Variants in WDR93 observed in about 807,000 individuals in gnomAD.
WDR93 encodes the protein WD repeat-containing protein 93.
A neutral mutation model predicts 82.9 loss-of-function variants in WDR93; 73 were observed. That is an observed-to-expected ratio of 0.88 (90% confidence interval 0.73 to 1.07). The LOEUF (loss-of-function observed/expected upper bound fraction) is 1.07. Ranked by LOEUF, WDR93 falls within the 50% of genes least tolerant of loss-of-function variation. The pLI is 0.00. For missense variants in WDR93, 738 were observed against 826.0 expected (o/e 0.89, Z 1.31); for synonymous variants, 283 against 300.1 (o/e 0.94, Z 0.59).
chr15:89,701,572 T>G, intron 1 of WDR93, 135 bp from the exon 2 acceptor site: 1 of 732,786 alleles, frequency 1.4e-6, no homozygotes, highest in Non-Finnish European at 2.2e-6. Context: ...GTGGTAATAG[T>G]CCTCTGGTAA....
intron 6 of WDR93, among the ~76,000 whole-genome samples, chr15:89,715,356 TG>T (rs947105651): frequency 2.6e-5 from 4 of 152,202 alleles, no homozygotes; most frequent in Non-Finnish European, 4.4e-5. Flanking sequence ...GGCATTTCTC[TG>T]GAAGGAGGGT....
chr15:89,729,986 T>C (rs1473778566), intron 11 of WDR93, among the ~76,000 whole-genome samples: 1 of 152,126 alleles, frequency 6.6e-6, no homozygotes, highest in East Asian at 1.9e-4. Context: ...AGGGACAAAG[T>C]CTACAGTCAG....
chr15:89,715,619 T>C (rs1966212146), intron 6 of WDR93, among the ~76,000 whole-genome samples: 1 of 152,234 alleles, frequency 6.6e-6, no homozygotes, highest in African/African-American at 2.4e-5. Flanking sequence ...AGTCTCGCTC[T>C]GTTGCCCAGG....
At chr15:89,718,611 A>C (rs1196217207) in intron 7 of WDR93, among the ~76,000 whole-genome samples, 1 of 152,176 alleles carries the variant, frequency 6.6e-6, no homozygotes, top group East Asian at 1.9e-4. Flanking sequence ...TGAGTGACAG[A>C]GCAAGACCCT....
intron 16 of WDR93, among the ~76,000 whole-genome samples, chr15:89,739,225 A>T (rs1283496491): frequency 6.6e-6 from 1 of 152,114 alleles, no homozygotes; most frequent in Non-Finnish European, 1.5e-5. Context: ...TTTTGTAAAT[A>T]AGGTTTTATT....
At chr15:89,705,744 C>A in intron 4 of WDR93, 126 bp downstream of exon 4, 1 of 687,902 alleles carries the variant, frequency 1.5e-6, no homozygotes, top group Non-Finnish European at 2.6e-6. Context: ...GGCCAGAGAG[C>A]CTCCTCCAAA....
intron 3 of WDR93, chr15:89,705,308 G>A (rs777923954): frequency 1.4e-4 from 73 of 510,516 alleles, no homozygotes; most frequent in Non-Finnish European, 3.2e-5. Flanking sequence ...TACAGGAGAC[G>A]TCTGGGAGAT....
intron 3 of WDR93, 187 bp downstream of exon 3, chr15:89,703,329 C>G: frequency 1.6e-6 from 1 of 631,666 alleles, no homozygotes; most frequent in Non-Finnish European, 2.7e-6. Flanking sequence ...CATGTGCTAG[C>G]CCATTTAATC....
chr15:89,732,432 T>G (rs1468525070), intron 12 of WDR93, among the ~76,000 whole-genome samples: 5 of 152,160 alleles, frequency 3.3e-5, no homozygotes. Flanking sequence ...GAGGATATTT[T>G]CCCCACACAC....
chr15:89,711,991 T>C, intron 4 of WDR93, 35 bp from the exon 5 acceptor site: 1 of 1,542,362 alleles, frequency 6.5e-7, no homozygotes, highest in East Asian at 2.3e-5. Context: ...GTCAGCAGGC[T>C]ATGCCTACTC....
intron 4 of WDR93, among the ~76,000 whole-genome samples, chr15:89,711,031 A>G (rs1331341284): frequency 6.6e-6 from 1 of 152,224 alleles, no homozygotes; most frequent in Non-Finnish European, 1.5e-5. Flanking sequence ...CTGATGGGGA[A>G]GTTTGTAATA....
chr15:89,702,902 T>C (rs1965539260), intron 2 of WDR93, 48 bp from the exon 3 acceptor site: 1 of 1,579,860 alleles, frequency 6.3e-7, no homozygotes, highest in African/African-American at 1.4e-5. Context: ...CTCATAATAT[T>C]TGAAGACAGT....
chr15:89,740,109 T>C (rs978069209), intron 16 of WDR93, among the ~76,000 whole-genome samples: 69 of 152,172 alleles, frequency 4.5e-4, no homozygotes, highest in African/African-American at 1.6e-3. Context: ...GCTTAAGGTA[T>C]TAAGTGGGAT....
chr15:89,705,217 A>C, intron 3 of WDR93: 1 of 270,056 alleles, frequency 3.7e-6, no homozygotes. Context: ...AAACAGTTGG[A>C]TAATGGTGTG....
rs1052745659 is a variant in WDR93 at position 89,730,482 on chromosome 15, A to G, written c.1210+713A>G. Among the ~76,000 whole-genome samples the G allele has an allele frequency of 5.9e-5, 9 of 152,212 alleles. No homozygotes were observed. In the East Asian group the frequency reaches 1.7e-3, roughly 29 times the overall value. On this transcript the variant is annotated intron_variant, in intron 11 of 16. Coordinates refer to ENST00000268130, the MANE Select transcript of WDR93 (RefSeq NM_020212.2). ...ATGCAGAACATAGAGCTAATTAATTACACCATTGTTGTCTAGTGCATGCGT... is the reference window on the plus strand; with the variant it reads ...ATGCAGAACATAGAGCTAATTAATTGCACCATTGTTGTCTAGTGCATGCGT...
intron 4 of WDR93, among the ~76,000 whole-genome samples, chr15:89,708,047 CTGTT>C (rs1397268824): frequency 7.2e-5 from 11 of 152,294 alleles, no homozygotes; most frequent in African/African-American, 2.2e-4. Flanking sequence ...AAATACATAA[CTGTT>C]TGGTTCCATT....
At chr15:89,697,878 ATTT>A (rs377526780) in intron 1 of WDR93, among the ~76,000 whole-genome samples, 2 of 130,734 alleles carry the variant, frequency 1.5e-5, no homozygotes, top group Admixed American at 7.7e-5. Flanking sequence ...CACTTTTATA[ATTT>A]TTTTTTTTTT....
At chr15:89,737,038 A>G (rs374547943) in intron 14 of WDR93, among the ~76,000 whole-genome samples, 64 of 152,214 alleles carry the variant, frequency 4.2e-4, no homozygotes, top group African/African-American at 5.5e-4. Context: ...TGATCCGCCC[A>G]CCTTGGCCTC....
intron 2 of WDR93, among the ~76,000 whole-genome samples, chr15:89,702,622 C>A (rs1164901033): frequency 3.3e-5 from 5 of 151,306 alleles, no homozygotes; most frequent in African/African-American, 1.2e-4. Context: ...TCACTGTAAC[C>A]TCCGCCTCCC....
Sources: allele counts gnomAD v4.1 joint callset (sites outside exome capture counted in the v4.1 genomes callset), GRCh38; gene constraint gnomAD v4.1.1; transcripts MANE v1.5; gene names NCBI Gene and HGNC (gene_info 2026-07-23, HGNC 2026-07-21).